The following PAM variants were observed in gnomAD, a reference collection of about 807,000 sequenced individuals.
PAM encodes peptidylglycine alpha-amidating monooxygenase.
In PAM, 72 loss-of-function variants were observed where a neutral mutation model predicts 122.1. That is an observed-to-expected ratio of 0.59 (90% CI 0.49 to 0.72). The LOEUF (loss-of-function observed/expected upper bound fraction) is 0.72. Among genes scored for constraint, PAM ranks in the 30% least tolerant of loss-of-function variants. The probability of loss-of-function intolerance (pLI) is 0.00; values close to 1 mark genes in which losing one functional copy is unlikely to be tolerated. For missense variants in PAM, 1,106 were observed against 1,183.7 expected (o/e 0.93, Z 0.96); for synonymous variants, 389 against 404.4 (o/e 0.96, Z 0.46).
At position 102,779,921 on chromosome 5, in the gene PAM, A is replaced by ACACACACT. The variant is rs1275432571; in HGVS notation, c.-374+24577_-374+24578insCACTCACA. Reference sequence around the variant, plus strand: ...TATATATATATATATATATATATACACACATATATATATGTATATATCTCC... The same window carrying ACACACACT: ...TATATATATATATATATATATATACACACACACTCACATATATATATGTATATATCTCC... On this transcript the variant is annotated intron_variant, in intron 1 of 25. Coordinates refer to ENST00000438793, the MANE Select transcript of PAM (RefSeq NM_001177306.2). Among the ~76,000 whole-genome samples the ACACACACT allele has an allele frequency of 6.6e-5, 9 of 135,694 alleles. No homozygotes were observed. In the East Asian group the frequency reaches 1.7e-3, roughly 26 times the overall value. 89.0% of individuals were successfully genotyped at this position (135,694 alleles called of 152,430 possible).
intron 1 of PAM, among the ~76,000 whole-genome samples, chr5:102,864,343 T>C (rs899155318): frequency 6.6e-6 from 1 of 152,036 alleles, no homozygotes; most frequent in Admixed American, 6.5e-5. Flanking sequence ...AGGATAAAGC[T>C]GAAGGTTTTT....
intron 12 of PAM, among the ~76,000 whole-genome samples, chr5:102,953,882 G>A (rs1162161495): frequency 1.3e-5 from 2 of 151,978 alleles, no homozygotes; most frequent in African/African-American, 2.4e-5. Flanking sequence ...GCATGATGGC[G>A]GATGCCCATA....
chr5:102,884,853 C>T (rs1025139912), intron 3 of PAM, among the ~76,000 whole-genome samples: 1 of 151,820 alleles, frequency 6.6e-6, no homozygotes, highest in Non-Finnish European at 1.5e-5. Flanking sequence ...CCTCATTCAA[C>T]AAAGCTCACA....
chr5:102,777,349 C>T (rs762487367), intron 1 of PAM, among the ~76,000 whole-genome samples: 1 of 152,010 alleles, frequency 6.6e-6, no homozygotes, highest in Non-Finnish European at 1.5e-5. Flanking sequence ...CCTTTTTCCC[C>T]ATAAACCTTG....
At chr5:102,974,671 A>G (rs974522295) in intron 15 of PAM, 1 of 339,530 alleles carries the variant, frequency 2.9e-6, no homozygotes, top group Non-Finnish European at 5.3e-6. Context: ...GTGAGCCAGA[A>G]CTACAAGGAC....
At position 102,974,443 on chromosome 5, in the gene PAM, G is replaced by A. The variant is rs746917397; in HGVS notation, c.1483+7G>A. ...GAACCAGAACACACAGGAGGTGCGT[G>A]TAGGGTTTCTTTTAAGCAGTAAAGT... On this transcript the variant is annotated splice_region_variant and intron_variant, in intron 15 of 25. Coordinates refer to ENST00000438793, the MANE Select transcript of PAM (RefSeq NM_001177306.2). 6.3e-7 allele frequency: 1 copy of A among 1,591,690 alleles called. No homozygotes were observed. Among genetic ancestry groups the A allele is most frequent in the African/African-American group, 1.3e-5 (1 of 74,144 alleles).
chr5:102,847,192 G>GT (rs1252846607), intron 1 of PAM, among the ~76,000 whole-genome samples: 2 of 152,110 alleles, frequency 1.3e-5, no homozygotes, highest in Admixed American at 1.3e-4. Context: ...ATCTTGCCCT[G>GT]TATTAAGAAA....
intron 1 of PAM, among the ~76,000 whole-genome samples, chr5:102,820,195 C>T (rs984375159): frequency 6.6e-6 from 1 of 152,118 alleles, no homozygotes; most frequent in Admixed American, 6.5e-5. Flanking sequence ...GCTGATGGGG[C>T]ATTTTGTTTT....
rs7726028 is a variant in PAM, at chr5:102,994,976, C to A, written c.1613+4575C>A. Among the ~76,000 whole-genome samples the A allele has an allele frequency of 2.4e-3, 359 of 152,234 alleles. 3 individuals are homozygous for A. The highest frequency in any genetic ancestry group is 8.5e-3 in the African/African-American group (353 of 41,540). ...TCTAGGAATCTTCTTCCCTCCTCCC[C>A]CCAGATAGCTCACAAACCATCTCTT... On this transcript the variant is annotated intron_variant, in intron 16 of 25. Coordinates refer to ENST00000438793, the MANE Select transcript of PAM (RefSeq NM_001177306.2).
chr5:102,821,917 A>G (rs891338752), intron 1 of PAM, among the ~76,000 whole-genome samples: 4 of 152,238 alleles, frequency 2.6e-5, no homozygotes, highest in Non-Finnish European at 5.9e-5. Flanking sequence ...TCAAACTTCT[A>G]AATAAAAACC....
At chr5:102,763,161 T>G (rs1752886022) in intron 1 of PAM, among the ~76,000 whole-genome samples, 1 of 152,202 alleles carries the variant, frequency 6.6e-6, no homozygotes, top group South Asian at 2.1e-4. Flanking sequence ...ATCCAGTAGA[T>G]AGTTAGCACT....
At chr5:102,930,603 A>G (rs1407518296) in intron 7 of PAM, among the ~76,000 whole-genome samples, 1 of 152,198 alleles carries the variant, frequency 6.6e-6, no homozygotes, top group Admixed American at 6.5e-5. Flanking sequence ...AAAGGTGGGG[A>G]GCAAGCCATA....
intron 1 of PAM, among the ~76,000 whole-genome samples, chr5:102,835,682 A>G (rs751114475): frequency 1.3e-5 from 2 of 152,130 alleles, no homozygotes. Context: ...AGATTTCACT[A>G]TGAAATTTAA....
chr5:102,875,036 T>C (rs916846796), intron 3 of PAM, among the ~76,000 whole-genome samples: 13 of 152,280 alleles, frequency 8.5e-5, no homozygotes, highest in African/African-American at 3.1e-4. Flanking sequence ...GTTAATGATC[T>C]GTCTCCCACA....
intron 7 of PAM, among the ~76,000 whole-genome samples, chr5:102,930,464 CAAAGGT>C (rs1751104742): frequency 6.6e-6 from 1 of 152,008 alleles, no homozygotes; most frequent in Non-Finnish European, 1.5e-5. Context: ...AGGTTCCAGA[CAAAGGT>C]AAAAGTAGAT....
chr5:102,777,389 A>C (rs1373273411), intron 1 of PAM, among the ~76,000 whole-genome samples: 1 of 152,078 alleles, frequency 6.6e-6, no homozygotes, highest in African/African-American at 2.4e-5. Flanking sequence ...TTACTCCCCC[A>C]GCCCTATTAT....
At chr5:102,870,439 T>A (rs1195406230) in intron 3 of PAM, among the ~76,000 whole-genome samples, 1 of 152,114 alleles carries the variant, frequency 6.6e-6, no homozygotes, top group Non-Finnish European at 1.5e-5. Flanking sequence ...CCTAGATTAG[T>A]GTCTTATCAA....
chr5:102,976,060 A>G (rs986067082), intron 15 of PAM, among the ~76,000 whole-genome samples: 4 of 152,166 alleles, frequency 2.6e-5, no homozygotes, highest in Admixed American at 2.6e-4. Flanking sequence ...TGCTCAAGAG[A>G]AAAATGCTTC....
intron 5 of PAM, among the ~76,000 whole-genome samples, chr5:102,924,229 C>T (rs181373467): frequency 3.6e-4 from 55 of 151,982 alleles, no homozygotes; most frequent in African/African-American, 1.3e-3. Context: ...ATCAGGAGTT[C>T]AAGACTAGCC....
Sources: gnomAD v4.1 joint callset for allele counts (sites outside exome capture counted in the v4.1 genomes callset) on GRCh38, gnomAD v4.1.1 for gene constraint, MANE v1.5 for transcripts, NCBI Gene and HGNC (gene_info 2026-07-23, HGNC 2026-07-21) for gene names.